SYN3: variants seen among roughly 807,000 people sequenced by gnomAD.
SYN3 encodes the protein synapsin III, also known as synapsin-3.
In SYN3, 35 loss-of-function variants were observed where a neutral mutation model predicts 65.8. The observed-to-expected ratio is 0.53, with a 90% CI of 0.41 to 0.70. The LOEUF (loss-of-function observed/expected upper bound fraction) is 0.70. Among genes scored for constraint, SYN3 ranks in the 30% least tolerant of loss-of-function variants. SYN3 has a pLI of 0.00. For missense variants in SYN3, 680 were observed against 749.0 expected (o/e 0.91, Z 1.08); for synonymous variants, 270 against 292.9 (o/e 0.92, Z 0.80).
rs33919912 is a variant in SYN3 at position 33,025,433 on chromosome 22, CAAAAAAAAA to C, written c.-162-18618_-162-18610del. ...AGGGTGACAGTGCAAGACTCCGTCT[CAAAAAAAAA>C]AAAAAAAAAAAAGAAAGCTGGTCTC... On this transcript the variant is annotated intron_variant, in intron 1 of 13. Coordinates refer to ENST00000358763, the MANE Select transcript of SYN3 (RefSeq NM_003490.4). 1.0e-4 allele frequency among the ~76,000 whole-genome samples: 8 copies of C among 78,728 alleles called. No homozygotes were observed. The East Asian group carries it at 3.0e-3, about 30-fold the overall frequency. 51.6% of individuals were successfully genotyped at this position (78,728 alleles called of 152,430 possible). A position where few individuals can be genotyped will look rare whatever the true frequency, so the allele number is the denominator to read the frequency against.
intron 6 of SYN3, among the ~76,000 whole-genome samples, chr22:32,852,264 G>C (rs1435038119): frequency 6.6e-6 from 1 of 152,200 alleles, no homozygotes; most frequent in South Asian, 2.1e-4. Context: ...AGATAATACA[G>C]TATGGAGCAG....
At chr22:33,005,498 C>G (rs2053173782) in intron 2 of SYN3, among the ~76,000 whole-genome samples, 1 of 152,220 alleles carries the variant, frequency 6.6e-6, no homozygotes, top group Admixed American at 6.5e-5. Context: ...CCCTACTATA[C>G]CCATGCATCT....
At chr22:32,760,069 C>T (rs1186996045) in intron 6 of SYN3, among the ~76,000 whole-genome samples, 2 of 111,288 alleles carry the variant, frequency 1.8e-5, no homozygotes, top group African/African-American at 7.2e-5. Flanking sequence ...CAGCCAGTAC[C>T]CACCCACCAC....
At chr22:32,664,736 G>A (rs982253651) in intron 6 of SYN3, among the ~76,000 whole-genome samples, 4 of 150,894 alleles carry the variant, frequency 2.7e-5, no homozygotes, top group Admixed American at 6.6e-5. Flanking sequence ...GACTACATGC[G>A]CCCGCCGCCA....
At chr22:32,627,154 G>A (rs1022408094) in intron 6 of SYN3, among the ~76,000 whole-genome samples, 3 of 150,980 alleles carry the variant, frequency 2.0e-5, no homozygotes, top group Non-Finnish European at 3.0e-5. Context: ...GCAGTGCGGC[G>A]GGCGGGTAAC....
intron 4 of SYN3, among the ~76,000 whole-genome samples, chr22:32,877,712 T>C (rs2049020380): frequency 6.6e-6 from 1 of 152,078 alleles, no homozygotes; most frequent in African/African-American, 2.4e-5. Context: ...CCGCAAACCC[T>C]TTCCACCTTG....
At chr22:32,854,557 G>A (rs1193148174) in intron 6 of SYN3, among the ~76,000 whole-genome samples, 1 of 152,156 alleles carries the variant, frequency 6.6e-6, no homozygotes, top group Non-Finnish European at 1.5e-5. Context: ...AAAATAAGAA[G>A]TTGCTCGGCA....
chr22:32,541,798 T>C, intron 7 of SYN3, 85 bp from the exon 8 acceptor site: 1 of 1,479,112 alleles, frequency 6.8e-7, no homozygotes, highest in East Asian at 2.4e-5. Context: ...GCTCTGTCTA[T>C]AGACACGAAT....
At chr22:32,792,145 C>T (rs891200506) in intron 6 of SYN3, among the ~76,000 whole-genome samples, 5 of 152,184 alleles carry the variant, frequency 3.3e-5, no homozygotes, top group Non-Finnish European at 2.9e-5. Flanking sequence ...GAAAATCCTA[C>T]GAGGTATGCA....
At chr22:32,822,874 G>C (rs1184154344) in intron 6 of SYN3, among the ~76,000 whole-genome samples, 1 of 151,826 alleles carries the variant, frequency 6.6e-6, no homozygotes, top group African/African-American at 2.4e-5. Context: ...TAGCCCTATG[G>C]TGCACTTTTG....
At chr22:32,851,753 G>T (rs2048224129) in intron 6 of SYN3, among the ~76,000 whole-genome samples, 1 of 152,014 alleles carries the variant, frequency 6.6e-6, no homozygotes, top group Admixed American at 6.6e-5. Context: ...AAATCTCCCT[G>T]CCATCTTAAT....
intron 7 of SYN3, among the ~76,000 whole-genome samples, chr22:32,559,528 A>T (rs192837951): frequency 1.3e-5 from 2 of 152,298 alleles, no homozygotes; most frequent in East Asian, 3.9e-4. Context: ...GCAGTCTCCT[A>T]ATGGATAGAA....
At chr22:32,613,204 T>G (rs983410401) in intron 6 of SYN3, among the ~76,000 whole-genome samples, 2 of 151,922 alleles carry the variant, frequency 1.3e-5, no homozygotes, top group African/African-American at 4.8e-5. Flanking sequence ...ATTAAAAAAT[T>G]TTAATTAATT....
chr22:32,714,767 T>C (rs746622972), intron 6 of SYN3, among the ~76,000 whole-genome samples: 10 of 152,282 alleles, frequency 6.6e-5, no homozygotes, highest in Non-Finnish European at 1.5e-4. Flanking sequence ...CTGTATGAAA[T>C]TGGAAAAATT....
At chr22:32,569,547 C>CAG in intron 7 of SYN3, among the ~76,000 whole-genome samples, 1 of 59,284 alleles carries the variant, frequency 1.7e-5, no homozygotes, top group African/African-American at 1.0e-4. Flanking sequence ...ATCTCTCTCT[C>CAG]TCTCTCTCTC....
chr22:32,640,739 C>T (rs958489885), intron 6 of SYN3, among the ~76,000 whole-genome samples: 1 of 151,968 alleles, frequency 6.6e-6, no homozygotes, highest in South Asian at 2.1e-4. Flanking sequence ...TGGTGGCGGG[C>T]GCCTGTAGTC....
intron 6 of SYN3, among the ~76,000 whole-genome samples, chr22:32,664,580 G>A (rs2060262193): frequency 8.0e-6 from 1 of 124,720 alleles, no homozygotes; most frequent in Non-Finnish European, 1.6e-5. Flanking sequence ...TACTCAATTG[G>A]TCGCTTTTTT....
intron 2 of SYN3, among the ~76,000 whole-genome samples, chr22:33,001,604 A>G (rs2053060565): frequency 1.3e-5 from 2 of 152,252 alleles, no homozygotes; most frequent in South Asian, 4.1e-4. Context: ...TACTGTTAAG[A>G]TGATTAATGT....
At chr22:32,841,392 G>A (rs1440942481) in intron 6 of SYN3, among the ~76,000 whole-genome samples, 4 of 152,134 alleles carry the variant, frequency 2.6e-5, no homozygotes, top group Non-Finnish European at 5.9e-5. Context: ...AAGGTCCCCC[G>A]CCCAAGTGAA....
Sources: allele counts gnomAD v4.1 joint callset (sites outside exome capture counted in the v4.1 genomes callset), GRCh38; gene constraint gnomAD v4.1.1; transcripts MANE v1.5; gene names NCBI Gene and HGNC (gene_info 2026-07-23, HGNC 2026-07-21).